Variants in APOBEC3B observed in about 807,000 individuals in gnomAD.
APOBEC3B encodes the protein apolipoprotein B mRNA editing enzyme catalytic subunit 3B.
APOBEC3B carries 29 observed loss-of-function variants against 53.4 expected under a neutral mutation model. That is an observed-to-expected ratio of 0.54 (90% CI 0.40 to 0.74). The LOEUF is 0.74. APOBEC3B is among the 30% of genes least tolerant of loss of function. APOBEC3B has a pLI of 0.00. For missense variants in APOBEC3B, 347 were observed against 496.2 expected (o/e 0.70, Z 2.86); for synonymous variants, 132 against 184.8 (o/e 0.71, Z 2.32).
intron 1 of APOBEC3B, among the ~76,000 whole-genome samples, chr22:38,982,674 C>G (rs1269138833): frequency 6.8e-6 from 1 of 147,586 alleles, no homozygotes; most frequent in Non-Finnish European, 1.5e-5. Context: ...GCTGCCTCCC[C>G]TACCTGCACC....
In APOBEC3B at chr22:38,992,515, A is replaced by C; in HGVS notation, c.*70A>C. On this transcript the variant is annotated 3_prime_UTR_variant, in exon 8 of 8. Transcript: ENST00000333467. The stretch of plus-strand genomic sequence containing the variant: ...CAGCAGAATAAAAGATCTTCTTCCA[A>C]GAAATGCAAACAGACCGTTCACCAC... 6.3e-7 allele frequency: 1 copy of C among 1,590,028 alleles called. No individual in the cohort carries two copies. The highest frequency in any genetic ancestry group is 8.6e-7 in the Non-Finnish European group (1 of 1,165,362).
intron 1 of APOBEC3B, among the ~76,000 whole-genome samples, chr22:38,982,930 G>A (rs1194411263): frequency 4.0e-5 from 6 of 148,740 alleles, no homozygotes; most frequent in African/African-American, 1.5e-4. Flanking sequence ...AATGGTCTCT[G>A]AAGCACATGA....
chr22:38,991,758 A>T, intron 6 of APOBEC3B, 132 bp downstream of exon 6: 1 of 1,299,346 alleles, frequency 7.7e-7, no homozygotes, highest in South Asian at 1.5e-5. Context: ...TTTGGGGTCG[A>T]TGGGAAGAGA....
At chr22:38,982,615 C>A in intron 1 of APOBEC3B, 145 bp downstream of exon 1, 1 of 1,040,042 alleles carries the variant, frequency 9.6e-7, no homozygotes, top group Non-Finnish European at 1.4e-6. Flanking sequence ...GAATCCCAGT[C>A]AGGCTCTTTG....
At chr22:38,990,819 C>G (rs1178084106) in intron 5 of APOBEC3B, among the ~76,000 whole-genome samples, 1 of 145,400 alleles carries the variant, frequency 6.9e-6, no homozygotes, top group African/African-American at 2.6e-5. Context: ...GACCTTGGGG[C>G]TCCGCCGGCC....
intron 1 of APOBEC3B, 24 bp downstream of exon 1, chr22:38,982,494 T>G: frequency 6.3e-7 from 1 of 1,593,188 alleles, no homozygotes; most frequent in African/African-American, 1.3e-5. Flanking sequence ...CTCTGCCTGC[T>G]GGGCCCCTCC....
chr22:38,984,036 G>T (rs1923635039), intron 1 of APOBEC3B, 39 bp from the exon 2 acceptor site: 5 of 1,566,886 alleles, frequency 3.2e-6, no homozygotes, highest in Non-Finnish European at 4.3e-6. Context: ...CTCCCGGGAG[G>T]GCTCCCTGCA....
chr22:38,987,320 A>C (rs1438373128), intron 4 of APOBEC3B, among the ~76,000 whole-genome samples: 13 of 135,052 alleles, frequency 9.6e-5, no homozygotes, highest in South Asian at 2.6e-4. Context: ...TGCCACCCCC[A>C]CTCCCAGCCA....
rs1923596583 is a variant in APOBEC3B, at chr22:38,983,086, A to G, written c.17+616A>G. 1.3e-5 allele frequency among the ~76,000 whole-genome samples: 2 copies of G among 148,220 alleles called. 1 individual carries two copies. The highest frequency in any genetic ancestry group is 4.9e-5 in the African/African-American group (2 of 40,714). On this transcript the variant is annotated intron_variant, in intron 1 of 7. Coordinates refer to ENST00000333467, the MANE Select transcript of APOBEC3B (RefSeq NM_004900.5). ...GTAATCCCAACACTTTGGGAGGCCA[A>G]GGCGGGCGGATCATGAGGTCGGGAG...
rs1430086402 is a variant in APOBEC3B, at chr22:38,984,794, C to T, written c.174+563C>T. ...TTTTTAACCCTTGCTACAGTAGGAC[C>T]TAAGCAGCTGGAAATGCAGAAAACA... On this transcript the variant is annotated intron_variant, in intron 2 of 7. Transcript: ENST00000333467. Among the ~76,000 whole-genome samples, 4 of 147,792 alleles carry T rather than the reference C, an allele frequency of 2.7e-5. 1 individual carries two copies. Among genetic ancestry groups the T allele is most frequent in the African/African-American group, 9.8e-5 (4 of 40,620 alleles).
At chr22:38,991,668 A>T in intron 6 of APOBEC3B, 42 bp downstream of exon 6, 1 of 1,459,064 alleles carries the variant, frequency 6.9e-7, no homozygotes, top group Non-Finnish European at 9.3e-7. Context: ...GGGTGGGGGC[A>T]GGAGAGGTTC....
chr22:38,985,943 G>A lies in APOBEC3B; in HGVS notation c.306G>A (p.Ala102=), dbSNP rs142365295. ...GGACCCCCTGCCCGGACTGTGTGGC[G>A]AAGCTGGCCGAATTCCTGTCTGAGC... ...VSWTPCPDCV[A]KLAEFLSEHP... is the part of the protein sequence containing the mutation. Residue 102 remains alanine (A), a synonymous_variant, in exon 3 of 8, where the codon GCG becomes GCA. Coordinates refer to ENST00000333467, the MANE Select transcript of APOBEC3B (RefSeq NM_004900.5). The A allele has an allele frequency of 4.4e-4, 703 of 1,601,486 alleles. 40 individuals carry two copies. In the African/African-American group the frequency reaches 6.5e-3, roughly 15 times the overall value.
Position 38,992,020 on chromosome 22 carries a change from C to T in APOBEC3B, c.1019-14C>T. Reference sequence around the variant, plus strand: ...ACAACAGGAGCGTGACTTATCTCCCCTGTCCCTTTTCAGAGTTTGAGTACT... The same window carrying T: ...ACAACAGGAGCGTGACTTATCTCCCTTGTCCCTTTTCAGAGTTTGAGTACT... On this transcript the variant is annotated splice_polypyrimidine_tract_variant and intron_variant, in intron 6 of 7. Transcript: ENST00000333467. The T allele has an allele frequency of 2.5e-6, 4 of 1,570,272 alleles. No homozygotes were observed. The highest frequency in any genetic ancestry group is 3.4e-6 in the Non-Finnish European group (4 of 1,160,250).
rs1480890929 is a variant in APOBEC3B at position 38,985,447 on chromosome 22, C to T, written c.175-365C>T. ...GTCGAGTCACAGCTGCTCCATGCCA[C>T]GGGGACAAGAGGAAGCAGGAGTTTA... On this transcript the variant is annotated intron_variant, in intron 2 of 7. Transcript: ENST00000333467. 4.5e-4 allele frequency among the ~76,000 whole-genome samples: 67 copies of T among 148,058 alleles called. 6 individuals are homozygous for T. Among genetic ancestry groups the T allele is most frequent in the Non-Finnish European group, 1.3e-4 (9 of 67,220 alleles).
At chr22:38,992,172 T>A in intron 7 of APOBEC3B, 23 bp downstream of exon 7, 1 of 1,584,876 alleles carries the variant, frequency 6.3e-7, no homozygotes, top group Non-Finnish European at 8.6e-7. Context: ...TCCCTCTGCC[T>A]GGTGCCCCAT....
At chr22:38,989,719 G>A in intron 5 of APOBEC3B, 109 bp downstream of exon 5, 1 of 1,135,454 alleles carries the variant, frequency 8.8e-7, no homozygotes, top group Non-Finnish European at 1.2e-6. Flanking sequence ...TTTGTCACTT[G>A]TGCTTCCTGC....
rs1175296510 is a variant in APOBEC3B at position 38,991,622 on chromosome 22, C to T, written c.1014C>T (p.Tyr338=). The T allele has an allele frequency of 1.1e-5, 15 of 1,358,708 alleles. 1 individual carries two copies. The highest frequency in any genetic ancestry group is 3.5e-5 in the South Asian group (3 of 85,430). The allele number at this position is 1,358,708 out of a possible 1,614,324, so 84.2% of individuals were successfully genotyped here. ...GGGCCCAAGTCTCCATCATGACCTA[C>T]GATGGTAAGAATGGAAGGTTCAGGT... ...DAGAQVSIMT[Y]DEFEYCWDTF... is the part of the protein sequence containing the mutation. The change falls in exon 6 of 8, where the codon TAC becomes TAT. Residue 338 remains tyrosine, a synonymous_variant. Transcript: ENST00000333467.
intron 1 of APOBEC3B, among the ~76,000 whole-genome samples, 191 bp downstream of exon 1, chr22:38,982,661 T>C (rs570622859): frequency 4.1e-5 from 6 of 145,912 alleles, no homozygotes; most frequent in Non-Finnish European, 9.0e-5. Context: ...TGCTTCTGAA[T>C]GGGCTGCCTC....
At chr22:38,990,118 C>A (rs73161525) in intron 5 of APOBEC3B, among the ~76,000 whole-genome samples, 1 of 44,358 alleles carries the variant, frequency 2.3e-5, no homozygotes, top group Non-Finnish European at 4.4e-5. Flanking sequence ...GGGGGCCAGG[C>A]TAGGCTGGCC....
Sources: allele counts gnomAD v4.1 joint callset (sites outside exome capture counted in the v4.1 genomes callset), GRCh38; gene constraint gnomAD v4.1.1; transcripts MANE v1.5; gene names NCBI Gene and HGNC (gene_info 2026-07-23, HGNC 2026-07-21).